Variants in CRISP1 observed in about 807,000 individuals in gnomAD.
CRISP1 encodes the protein cysteine rich secretory protein 1.
In CRISP1, 44 loss-of-function variants were observed where a neutral mutation model predicts 33.1. The observed-to-expected ratio is 1.33, with a 90% CI of 1.05 to 1.71. The LOEUF is 1.71. Ranked by LOEUF, CRISP1 falls within the 40% of genes most tolerant of loss-of-function variation. The pLI, the probability that CRISP1 is intolerant of heterozygous loss-of-function variation, is 0.00. For missense variants in CRISP1, 390 were observed against 301.2 expected (o/e 1.29, Z -2.18); for synonymous variants, 103 against 98.7 (o/e 1.04, Z -0.26).
At chr6:49,876,197 A>G (rs1772031703) in intron 1 of CRISP1, among the ~76,000 whole-genome samples, 2 of 152,026 alleles carry the variant, frequency 1.3e-5, no homozygotes, top group Admixed American at 6.6e-5. Context: ...AATTTGCAAG[A>G]AAAAAACACC....
chr6:49,865,991 C>T (rs984896926), intron 1 of CRISP1, among the ~76,000 whole-genome samples: 9 of 152,116 alleles, frequency 5.9e-5, no homozygotes, highest in Non-Finnish European at 1.0e-4. Context: ...TCTAGCAACT[C>T]CCGAAAACAA....
intron 1 of CRISP1, among the ~76,000 whole-genome samples, chr6:49,861,009 T>C (rs1771635421): frequency 6.6e-6 from 1 of 151,920 alleles, no homozygotes. Flanking sequence ...AATGAATAAA[T>C]TCCTGGAGAC....
intron 2 of CRISP1, among the ~76,000 whole-genome samples, chr6:49,856,933 G>T (rs1771512251): frequency 6.6e-6 from 1 of 152,018 alleles, no homozygotes; most frequent in Admixed American, 6.6e-5. Context: ...TGTGCTGTTG[G>T]CACCTTTCCA....
chr6:49,837,737 CTT>C (rs1027564386), intron 7 of CRISP1, among the ~76,000 whole-genome samples: 130 of 152,004 alleles, frequency 8.6e-4, no homozygotes, highest in African/African-American at 3.0e-3. Context: ...TCTCCACAGA[CTT>C]ATTACTAGTA....
intron 1 of CRISP1, among the ~76,000 whole-genome samples, chr6:49,857,648 T>C (rs1561947292): frequency 6.6e-6 from 1 of 152,194 alleles, no homozygotes; most frequent in Non-Finnish European, 1.5e-5. Flanking sequence ...ATATGTCATA[T>C]TGTATGACAC....
chr6:49,842,266 T>C (rs553110137), intron 5 of CRISP1, among the ~76,000 whole-genome samples: 3 of 152,274 alleles, frequency 2.0e-5, no homozygotes, highest in East Asian at 3.9e-4. Flanking sequence ...GTATTTTCCG[T>C]AAGAGACCCT....
At chr6:49,845,488 T>A (rs1771135044) in intron 5 of CRISP1, among the ~76,000 whole-genome samples, 1 of 152,178 alleles carries the variant, frequency 6.6e-6, no homozygotes. Flanking sequence ...AGAGCAAAGA[T>A]GTGAAGAAAT....
Position 49,838,537 on chromosome 6 carries a change from A to T in CRISP1, c.534-12T>A. On this transcript the variant is annotated splice_polypyrimidine_tract_variant and intron_variant, in intron 6 of 7. Coordinates refer to ENST00000335847, the MANE Select transcript of CRISP1 (RefSeq NM_001131.3). Reference sequence around the variant, plus strand: ...CAGGATCATTTCCCCTTGAATAAAAAAAAGTGATTTCATAAAACCCATCTT... The same window carrying T: ...CAGGATCATTTCCCCTTGAATAAAATAAAGTGATTTCATAAAACCCATCTT... 1 of 1,602,276 alleles carries T rather than the reference A, an allele frequency of 6.2e-7. No homozygotes were observed. The highest frequency in any genetic ancestry group is 8.5e-7 in the Non-Finnish European group (1 of 1,172,130).
Position 49,835,244 on chromosome 6 carries a change from G to T in CRISP1, c.*72C>A, listed in dbSNP as rs1271119662. The T allele has an allele frequency of 1.3e-6, 2 of 1,523,414 alleles. No individual in the cohort carries two copies. The highest frequency in any genetic ancestry group is 8.9e-7 in the Non-Finnish European group (1 of 1,120,824). 94.4% of individuals were successfully genotyped at this position (1,523,414 alleles called of 1,614,324 possible). A position where few individuals can be genotyped will look rare whatever the true frequency, so the allele number is the denominator to read the frequency against. ...ATTTAGCAGAAGCTACTGAACTATAGCAAAAGACATGAATCCAACAGACAT... is the reference window on the plus strand; with the variant it reads ...ATTTAGCAGAAGCTACTGAACTATATCAAAAGACATGAATCCAACAGACAT... On this transcript the variant is annotated 3_prime_UTR_variant, in exon 8 of 8. Transcript: ENST00000335847.
At chr6:49,856,446 G>A (rs559432222) in intron 2 of CRISP1, among the ~76,000 whole-genome samples, 6 of 152,134 alleles carry the variant, frequency 3.9e-5, no homozygotes, top group South Asian at 2.1e-4. Context: ...AATTCAGGAC[G>A]CTAATTCCAG....
At position 49,846,055 on chromosome 6, in the gene CRISP1, G is replaced by A. The variant is rs115365561; in HGVS notation, c.435+465C>T. Among the ~76,000 whole-genome samples, 1,514 of 152,192 alleles carry A rather than the reference G, an allele frequency of 9.9e-3. 25 individuals are homozygous for A. The highest frequency in any genetic ancestry group is 0.03 in the African/African-American group (1,236 of 41,534). ...TTTGGGAAAATGAAAATATTCTGGC[G>A]ATGGCGTTGCACAACGATTTGAGTG... On this transcript the variant is annotated intron_variant, in intron 5 of 7. Transcript: ENST00000335847.
At chr6:49,868,893 C>T (rs1193051794), upstream of CRISP1, among the ~76,000 whole-genome samples, 2 of 152,116 alleles carry the variant, frequency 1.3e-5, no homozygotes, top group Non-Finnish European at 2.9e-5. Context: ...AAAATAAAGC[C>T]AAAGTCAGTT....
intron 3 of CRISP1, 128 bp from the exon 4 acceptor site, chr6:49,848,427 A>T: frequency 1.9e-6 from 1 of 525,308 alleles, no homozygotes. Context: ...AAATAATGAG[A>T]TTACTATTAA....
At chr6:49,847,219 A>T (rs1771205561) in intron 4 of CRISP1, among the ~76,000 whole-genome samples, 2 of 152,130 alleles carry the variant, frequency 1.3e-5, no homozygotes, top group Admixed American at 1.3e-4. Flanking sequence ...GCATTTTTAA[A>T]ACATGTTAAT....
intron 1 of CRISP1, among the ~76,000 whole-genome samples, chr6:49,873,334 T>G (rs1771968264): frequency 6.6e-6 from 1 of 152,226 alleles, no homozygotes; most frequent in Admixed American, 6.6e-5. Flanking sequence ...ATTGCAGATC[T>G]CAGGAAATGT....
intron 1 of CRISP1, among the ~76,000 whole-genome samples, chr6:49,860,852 T>A (rs1771629090): frequency 6.6e-6 from 1 of 151,742 alleles, no homozygotes; most frequent in African/African-American, 2.4e-5. Flanking sequence ...ACAAGACCAA[T>A]AGGCCGAGTA....
At chr6:49,867,594 T>C (rs1771828671), upstream of CRISP1, among the ~76,000 whole-genome samples, 1 of 151,840 alleles carries the variant, frequency 6.6e-6, no homozygotes, top group African/African-American at 2.4e-5. Context: ...AAGATCAGAG[T>C]CTCTTAAGAT....
rs147539288 is a variant in CRISP1 at position 49,854,035 on chromosome 6, A to C, written c.67-1906T>G. Among the ~76,000 whole-genome samples, 5 of 152,258 alleles carry C rather than the reference A, an allele frequency of 3.3e-5. No homozygotes were observed. The East Asian group carries it at 9.7e-4, about 29-fold the overall frequency. The stretch of plus-strand genomic sequence containing the variant: ...CTCCACATTATTGTAGAACTTTTGC[A>C]ATCTCCCCCATTCACAACCACCTTC... On this transcript the variant is annotated intron_variant, in intron 2 of 7. Transcript: ENST00000335847.
chr6:49,877,061 C>T (rs1772052277), exon 1 of CRISP1: 1 of 151,888 alleles, frequency 6.6e-6, no homozygotes, highest in Non-Finnish European at 1.5e-5. Context: ...AAAGAATTAT[C>T]TCACCAAGCT....
Sources: allele counts gnomAD v4.1 joint callset (sites outside exome capture counted in the v4.1 genomes callset), GRCh38; gene constraint gnomAD v4.1.1; transcripts MANE v1.5; gene names NCBI Gene and HGNC (gene_info 2026-07-23, HGNC 2026-07-21).